The following PLEKHG7 variants were observed in gnomAD, a reference collection of about 807,000 sequenced individuals.
The protein encoded by PLEKHG7 is pleckstrin homology and RhoGEF domain containing G7, also known as pleckstrin homology domain-containing family G member 7.
A neutral mutation model predicts 85.2 loss-of-function variants in PLEKHG7; 77 were observed. The observed-to-expected ratio is 0.90, with a 90% CI of 0.75 to 1.09. PLEKHG7 has a LOEUF of 1.09. Among genes scored for constraint, PLEKHG7 ranks in the 50% least tolerant of loss-of-function variants. PLEKHG7 has a pLI of 0.00. For synonymous variants in PLEKHG7, 301 were observed against 302.4 expected (o/e 1.00, Z 0.05); for missense variants, 777 against 804.3 (o/e 0.97, Z 0.41).
chr12:92,765,884 C>T (rs956253567), intron 15 of PLEKHG7, among the ~76,000 whole-genome samples: 1 of 152,150 alleles, frequency 6.6e-6, no homozygotes, highest in African/African-American at 2.4e-5. Flanking sequence ...AGAAGGGAAG[C>T]CTGTATCCAG....
chr12:92,737,943 T>A (rs891776562), intron 7 of PLEKHG7, among the ~76,000 whole-genome samples: 1 of 152,226 alleles, frequency 6.6e-6, no homozygotes, highest in African/African-American at 2.4e-5. Context: ...CATCCGATGT[T>A]GAATGAATCT....
At chr12:92,730,894 AC>A (rs1871973082) in intron 4 of PLEKHG7, among the ~76,000 whole-genome samples, 1 of 151,768 alleles carries the variant, frequency 6.6e-6, no homozygotes, top group African/African-American at 2.4e-5. Flanking sequence ...TCCTCCCTAT[AC>A]CCCTCTGCCC....
In PLEKHG7 at chr12:92,770,093, A is replaced by C; in HGVS notation, c.1974A>C (p.Thr658=). The change falls in exon 17 of 17, where the codon ACA becomes ACC. Residue 658 remains threonine (T), a synonymous_variant. Coordinates refer to ENST00000344636, the MANE Select transcript of PLEKHG7 (RefSeq NM_001377329.1). The stretch of plus-strand genomic sequence containing the variant: ...TTTTTTCTTTTTTTCAACAGAAAAC[A>C]TGGATGGCACAAATAACAACTGCAA... The part of the protein sequence containing the change: ...LQAQTENIKK[T]WMAQITTAIS... 6.3e-7 allele frequency: 1 copy of C among 1,585,226 alleles called. No individual in the cohort carries two copies.
rs1255980304 is a variant in PLEKHG7, at chr12:92,756,310, AT to A, written c.1560del (p.Phe520LeufsTer23). 9 of 1,609,444 alleles carry A rather than the reference AT, an allele frequency of 5.6e-6. No individual in the cohort carries two copies. In the Admixed American group the frequency reaches 6.7e-5, roughly 12 times the overall value. ...CTTGTTTTACAAGTGTTTGAAACAC[AT>A]TTTTAAAGAACACATGGCAGAAAAC... Reference protein sequence around the residue: ...RFFIPECLKHIFKEHMAENIL... With the variant: ...RFFIPECLKHXFKEHMAENIL... On this transcript the variant is annotated frameshift_variant, in exon 13 of 17. Coordinates refer to ENST00000344636, the MANE Select transcript of PLEKHG7 (RefSeq NM_001377329.1). LOFTEE classifies it high-confidence loss of function.
At chr12:92,759,022 T>A (rs1445147000) in intron 13 of PLEKHG7, among the ~76,000 whole-genome samples, 1 of 152,200 alleles carries the variant, frequency 6.6e-6, no homozygotes, top group Non-Finnish European at 1.5e-5. Flanking sequence ...ATGTTATTGC[T>A]GCTGCTGATA....
Position 92,772,013 on chromosome 12 carries a change from G to A in PLEKHG7, c.*1818G>A, listed in dbSNP as rs944350251. On this transcript the variant is annotated 3_prime_UTR_variant, in exon 17 of 17. Coordinates refer to ENST00000344636, the MANE Select transcript of PLEKHG7 (RefSeq NM_001377329.1). The stretch of plus-strand genomic sequence containing the variant: ...ATATGCACATTAAACTCTTTGGAGG[G>A]TTTAGAATGAAGCACATTCGAATGA... 6.6e-5 allele frequency: 10 copies of A among 151,768 alleles called. No individual in the cohort carries two copies. The highest frequency in any genetic ancestry group is 2.4e-4 in the African/African-American group (10 of 41,354). 9.4% of individuals were successfully genotyped at this position (151,768 alleles called of 1,614,324 possible). A position where few individuals can be genotyped will look rare whatever the true frequency, so the allele number is the denominator to read the frequency against.
intron 2 of PLEKHG7, 67 bp downstream of exon 2, chr12:92,707,205 G>A: frequency 3.3e-6 from 5 of 1,529,486 alleles, no homozygotes; most frequent in Non-Finnish European, 4.4e-6. Context: ...TCTCAGAGTT[G>A]CTTAGTTCCC....
intron 8 of PLEKHG7, among the ~76,000 whole-genome samples, 184 bp from the exon 9 acceptor site, chr12:92,741,307 A>G (rs1418443804): frequency 6.6e-6 from 1 of 152,232 alleles, no homozygotes; most frequent in Non-Finnish European, 1.5e-5. Context: ...ACAAGAATTT[A>G]TTTATAAGAA....
chr12:92,752,690 G>A (rs1431623796), intron 10 of PLEKHG7, among the ~76,000 whole-genome samples: 2 of 152,170 alleles, frequency 1.3e-5, no homozygotes, highest in Non-Finnish European at 2.9e-5. Context: ...GTGGAAATGA[G>A]GCAACAGCCT....
intron 16 of PLEKHG7, 25 bp from the exon 17 acceptor site, chr12:92,770,063 T>C: frequency 7.1e-7 from 1 of 1,404,718 alleles, no homozygotes; most frequent in Non-Finnish European, 9.9e-7. Context: ...TCTCTATTTA[T>C]GTATTTTTTT....
intron 3 of PLEKHG7, among the ~76,000 whole-genome samples, chr12:92,724,418 T>C (rs1323204887): frequency 1.3e-5 from 2 of 152,156 alleles, no homozygotes; most frequent in Admixed American, 6.5e-5. Context: ...AATCAAATCA[T>C]AAAGTAGAGA....
At chr12:92,745,443 G>A (rs1872507198) in intron 9 of PLEKHG7, 35 bp from the exon 10 acceptor site, 1 of 1,398,304 alleles carries the variant, frequency 7.2e-7, no homozygotes, top group South Asian at 1.2e-5. Flanking sequence ...TCCTTAACTT[G>A]TGTTCATCCT....
intron 9 of PLEKHG7, among the ~76,000 whole-genome samples, chr12:92,742,591 GT>G (rs35922583): frequency 7.0e-5 from 10 of 143,138 alleles, no homozygotes; most frequent in Non-Finnish European, 1.1e-4. Flanking sequence ...TTGTTGTTTA[GT>G]TTTTTTTTTT....
Position 92,768,103 on chromosome 12 carries a change from G to A in PLEKHG7, c.1871-880G>A, listed in dbSNP as rs146792349. On this transcript the variant is annotated intron_variant, in intron 15 of 16. Coordinates refer to ENST00000344636, the MANE Select transcript of PLEKHG7 (RefSeq NM_001377329.1). ...GGCGCCTGTAATCCCAGCTACTCAG[G>A]AGGCTGAAGCAGGAGAACCATGTGA... Among the ~76,000 whole-genome samples, 1,201 of 151,978 alleles carry A rather than the reference G, an allele frequency of 7.9e-3. 9 individuals carry two copies. Among genetic ancestry groups the A allele is most frequent in the East Asian group, 0.039 (200 of 5,170 alleles).
chr12:92,746,472 C>T (rs1404999494), intron 10 of PLEKHG7, among the ~76,000 whole-genome samples: 1 of 152,190 alleles, frequency 6.6e-6, no homozygotes, highest in East Asian at 1.9e-4. Context: ...GAGACTTGGC[C>T]ATATTTTTGT....
chr12:92,762,366 G>A (rs184134193), intron 14 of PLEKHG7, among the ~76,000 whole-genome samples: 234 of 152,278 alleles, frequency 1.5e-3, no homozygotes, highest in African/African-American at 5.6e-3. Context: ...ATCTCTCAGT[G>A]TCTACCTATA....
intron 11 of PLEKHG7, 39 bp from the exon 12 acceptor site, chr12:92,755,786 A>ATAC: frequency 7.6e-7 from 1 of 1,317,452 alleles, no homozygotes; most frequent in Non-Finnish European, 1.1e-6. Flanking sequence ...GCAATGTCAT[A>ATAC]TGCACCTAAA....
At chr12:92,732,464 G>A (rs543070987) in intron 5 of PLEKHG7, among the ~76,000 whole-genome samples, 191 bp downstream of exon 5, 7 of 152,256 alleles carry the variant, frequency 4.6e-5, no homozygotes, top group South Asian at 2.1e-4. Flanking sequence ...TTTGTGCAGC[G>A]AAACAGTGCT....
chr12:92,736,271 C>T (rs146922224), intron 5 of PLEKHG7, among the ~76,000 whole-genome samples: 79 of 151,950 alleles, frequency 5.2e-4, no homozygotes, highest in African/African-American at 1.4e-3. Context: ...GGTAGTCTCA[C>T]GGGCCTGTGT....
Sources: allele counts gnomAD v4.1 joint callset (sites outside exome capture counted in the v4.1 genomes callset), GRCh38; gene constraint gnomAD v4.1.1; transcripts MANE v1.5; gene names NCBI Gene and HGNC (gene_info 2026-07-23, HGNC 2026-07-21).